Variants in PTPRD observed in about 807,000 individuals in gnomAD.
The protein encoded by PTPRD is protein tyrosine phosphatase receptor type D, also known as receptor-type tyrosine-protein phosphatase delta.
Under a neutral mutation model 214.5 loss-of-function variants are expected in PTPRD, and 34 were observed. That is an observed-to-expected ratio of 0.16 (90% confidence interval 0.12 to 0.21). The LOEUF is 0.21. PTPRD is among the 10% of genes least tolerant of loss of function. The pLI, the probability that PTPRD is intolerant of heterozygous loss-of-function variation, is 1.00. For synonymous variants in PTPRD, 1,128 were observed against 845.7 expected (o/e 1.33, Z -5.79); for missense variants, 2,545 against 2,398.7 (o/e 1.06, Z -1.27).
chr9:8,694,210 G>A (rs1350316020), intron 12 of PTPRD, among the ~76,000 whole-genome samples: 1 of 152,166 alleles, frequency 6.6e-6, no homozygotes, highest in East Asian at 1.9e-4. Flanking sequence ...AATTTTCTGG[G>A]AATTATATAA....
intron 14 of PTPRD, among the ~76,000 whole-genome samples, chr9:8,600,648 C>G (rs1258875265): frequency 6.6e-6 from 1 of 151,838 alleles, no homozygotes; most frequent in Non-Finnish European, 1.5e-5. Flanking sequence ...TATTTCTAGA[C>G]ACATCTTTGG....
At chr9:9,531,982 T>A (rs1219083977) in intron 8 of PTPRD, among the ~76,000 whole-genome samples, 1 of 150,422 alleles carries the variant, frequency 6.6e-6, no homozygotes, top group African/African-American at 2.4e-5. Flanking sequence ...AAAAACTTGT[T>A]AACATTAAAA....
intron 7 of PTPRD, among the ~76,000 whole-genome samples, chr9:9,678,762 C>G (rs1449615890): frequency 1.3e-5 from 2 of 151,648 alleles, no homozygotes; most frequent in Admixed American, 6.6e-5. Context: ...TTTAAGACAA[C>G]TGTATGTATA....
intron 12 of PTPRD, chr9:8,700,550 T>C (rs2098053541): frequency 6.6e-6 from 1 of 152,216 alleles, no homozygotes; most frequent in African/African-American, 2.4e-5. Flanking sequence ...AAATAATACG[T>C]TGTATTACAG....
chr9:9,816,320 G>A (rs1263624681), intron 5 of PTPRD, among the ~76,000 whole-genome samples: 1 of 151,904 alleles, frequency 6.6e-6, no homozygotes, highest in Non-Finnish European at 1.5e-5. Context: ...GACCTATAAT[G>A]TATATTGCCA....
intron 12 of PTPRD, among the ~76,000 whole-genome samples, chr9:8,662,953 A>T (rs2097094429): frequency 6.6e-6 from 1 of 152,174 alleles, no homozygotes; most frequent in Non-Finnish European, 1.5e-5. Flanking sequence ...CACACCAGGG[A>T]AGGAATTCCT....
At chr9:9,247,376 CA>C (rs2131371673) in intron 9 of PTPRD, among the ~76,000 whole-genome samples, 1 of 146,542 alleles carries the variant, frequency 6.8e-6, no homozygotes, top group Non-Finnish European at 1.5e-5. Flanking sequence ...CAAAATTAGA[CA>C]GTTTCTTCTT....
intron 3 of PTPRD, among the ~76,000 whole-genome samples, chr9:10,241,042 G>C (rs1205099536): frequency 6.0e-5 from 9 of 150,556 alleles, no homozygotes; most frequent in Admixed American, 5.3e-4. Flanking sequence ...CAAAAGATTT[G>C]AACAGACATT....
chr9:9,652,888 A>T (rs2096401281), intron 7 of PTPRD, among the ~76,000 whole-genome samples: 1 of 152,080 alleles, frequency 6.6e-6, no homozygotes, highest in South Asian at 2.1e-4. Flanking sequence ...TGCTGGGATT[A>T]TAGGCATGTG....
intron 12 of PTPRD, among the ~76,000 whole-genome samples, chr9:8,649,174 C>T (rs1020275243): frequency 6.6e-6 from 1 of 152,194 alleles, no homozygotes; most frequent in African/African-American, 2.4e-5. Context: ...GTATCAACTA[C>T]ATGAATTTTT....
intron 34 of PTPRD, among the ~76,000 whole-genome samples, chr9:8,439,544 G>C (rs1354542643): frequency 3.3e-5 from 5 of 151,972 alleles, no homozygotes; most frequent in African/African-American, 1.2e-4. Context: ...TCTTTCATTA[G>C]CCAAAATGTA....
chr9:9,377,961 G>A (rs185989649), intron 9 of PTPRD, among the ~76,000 whole-genome samples: 1 of 152,070 alleles, frequency 6.6e-6, no homozygotes, highest in African/African-American at 2.4e-5. Flanking sequence ...AACATTGAGA[G>A]GAAAGTACAG....
At position 10,221,408 on chromosome 9, in the gene PTPRD, T is replaced by C. The variant is rs545207067; in HGVS notation, c.-545+119555A>G. On this transcript the variant is annotated intron_variant, in intron 3 of 45. Transcript: ENST00000381196. ...CTAAAAAACATGGATTCTAGAACTA[T>C]CCTTTTTCCTAAGGGATTTTTTAAG... Among the ~76,000 whole-genome samples the C allele has an allele frequency of 2.6e-5, 4 of 152,140 alleles. No homozygotes were observed. The South Asian group carries it at 8.3e-4, about 32-fold the overall frequency.
intron 8 of PTPRD, among the ~76,000 whole-genome samples, chr9:9,424,394 G>A (rs1487837158): frequency 6.6e-6 from 1 of 152,176 alleles, no homozygotes; most frequent in Admixed American, 6.5e-5. Flanking sequence ...CCAGCTGGCT[G>A]GCAACGGTCA....
At chr9:9,697,854 T>A (rs971351543) in intron 7 of PTPRD, among the ~76,000 whole-genome samples, 4 of 152,200 alleles carry the variant, frequency 2.6e-5, no homozygotes, top group Non-Finnish European at 5.9e-5. Flanking sequence ...ATTCATTATT[T>A]TTCCTCTTTG....
chr9:8,886,303 G>T (rs1283060099), intron 11 of PTPRD, among the ~76,000 whole-genome samples: 1 of 152,060 alleles, frequency 6.6e-6, no homozygotes, highest in African/African-American at 2.4e-5. Context: ...CTATGTAATT[G>T]CCATAGTTAT....
intron 3 of PTPRD, among the ~76,000 whole-genome samples, chr9:10,168,181 C>T (rs1400797063): frequency 1.3e-5 from 2 of 152,112 alleles, no homozygotes; most frequent in Admixed American, 6.6e-5. Context: ...TTGTAGTTGT[C>T]ACAATAAATC....
intron 11 of PTPRD, among the ~76,000 whole-genome samples, chr9:8,885,595 C>G (rs965271281): frequency 6.9e-6 from 1 of 144,756 alleles, no homozygotes; most frequent in Non-Finnish European, 1.5e-5. Flanking sequence ...CTTCCAGGTT[C>G]AAGCAATTCT....
At chr9:9,512,541 G>A (rs144251663) in intron 8 of PTPRD, among the ~76,000 whole-genome samples, 135 of 151,854 alleles carry the variant, frequency 8.9e-4, no homozygotes, top group African/African-American at 3.0e-3. Flanking sequence ...ATGCAATTTC[G>A]CTTTCCAATC....
Sources: gnomAD v4.1 joint callset for allele counts (sites outside exome capture counted in the v4.1 genomes callset) on GRCh38, gnomAD v4.1.1 for gene constraint, MANE v1.5 for transcripts, NCBI Gene and HGNC (gene_info 2026-07-23, HGNC 2026-07-21) for gene names.